MYO5A: variants seen among roughly 807,000 people sequenced by gnomAD.
MYO5A encodes myosin VA, also known as unconventional myosin-Va.
In MYO5A, 98 loss-of-function variants were observed where a neutral mutation model predicts 249.7. That is an observed-to-expected ratio of 0.39 (90% CI 0.33 to 0.46). The LOEUF (loss-of-function observed/expected upper bound fraction) is 0.46, where lower values mean the gene tolerates loss of function less well. MYO5A is among the 20% of genes least tolerant of loss of function. MYO5A has a pLI of 0.98. For synonymous variants in MYO5A, 778 were observed against 810.6 expected (o/e 0.96, Z 0.68); for missense variants, 1,696 against 2,308.8 (o/e 0.73, Z 5.44).
At chr15:52,503,585 T>C (rs1409398060) in intron 1 of MYO5A, among the ~76,000 whole-genome samples, 1 of 113,432 alleles carries the variant, frequency 8.8e-6, no homozygotes, top group African/African-American at 2.7e-5. Context: ...GAGCTAAGAT[T>C]GTGCCATTGC....
chr15:52,378,566 T>TAA (rs1311854362), intron 18 of MYO5A, among the ~76,000 whole-genome samples: 7 of 68,368 alleles, frequency 1.0e-4, no homozygotes, highest in South Asian at 9.5e-4. Flanking sequence ...AAGCCCCAGT[T>TAA]AAAAAAAAAA....
chr15:52,358,161 A>G (rs1205970019), intron 25 of MYO5A, among the ~76,000 whole-genome samples: 3 of 152,322 alleles, frequency 2.0e-5, no homozygotes, highest in East Asian at 3.9e-4. Flanking sequence ...AGGGCTGCAA[A>G]ACAAGTGGGA....
At chr15:52,437,899 C>T (rs991567674) in intron 1 of MYO5A, 3 of 302,958 alleles carry the variant, frequency 9.9e-6, no homozygotes, top group Non-Finnish European at 1.5e-5. Context: ...GGATAAGGCC[C>T]TCATATTCAC....
intron 35 of MYO5A, among the ~76,000 whole-genome samples, chr15:52,329,306 C>A (rs1303102965): frequency 1.3e-5 from 2 of 152,226 alleles, no homozygotes; most frequent in African/African-American, 4.8e-5. Context: ...AAGTTTAATG[C>A]CAGGAACATT....
intron 10 of MYO5A, 119 bp downstream of exon 10, chr15:52,397,082 T>C (rs879651983): frequency 1.5e-5 from 18 of 1,238,590 alleles, no homozygotes; most frequent in African/African-American, 3.0e-5. Context: ...TGAATTGTCA[T>C]AGGCAAAGTT....
chr15:52,441,829 G>GT (rs2075791528), intron 1 of MYO5A, among the ~76,000 whole-genome samples: 1 of 152,146 alleles, frequency 6.6e-6, no homozygotes, highest in Admixed American at 6.5e-5. Flanking sequence ...AAGGAGAGCT[G>GT]TATCTTTTTC....
intron 16 of MYO5A, 72 bp downstream of exon 16, chr15:52,383,019 T>C: frequency 7.8e-7 from 1 of 1,283,538 alleles, no homozygotes; most frequent in African/African-American, 1.5e-5. Context: ...AGGAAAATAT[T>C]AGTTTGCTTG....
intron 30 of MYO5A, among the ~76,000 whole-genome samples, chr15:52,344,525 A>G (rs2039525314): frequency 6.6e-6 from 1 of 152,188 alleles, no homozygotes; most frequent in African/African-American, 2.4e-5. Flanking sequence ...CTTCTTATGT[A>G]TCTTTCAAAA....
In MYO5A at chr15:52,353,940, C is replaced by T. The variant is rs1463562378; in HGVS notation, c.3498G>A (p.Glu1166=). 6.8e-6 allele frequency: 11 copies of T among 1,614,250 alleles called. No homozygotes were observed. The highest frequency in any genetic ancestry group is 9.3e-6 in the Non-Finnish European group (11 of 1,180,044). The change falls in exon 26 of 42, where the codon GAG becomes GAA. Residue 1166 remains glutamate (E), a synonymous_variant. Coordinates refer to ENST00000399233, the MANE Select transcript of MYO5A (RefSeq NM_001382347.1). ...LKLQKRVTEL[E]QEKQVMQDEL... ...CATCCTGCATCACCTGCTTCTCCTG[C>T]TCCAGCTCTGTGACCCGCTTCTGGA...
chr15:52,329,904 A>AGTTTTTTTTTTT, intron 35 of MYO5A, among the ~76,000 whole-genome samples: 1 of 34,970 alleles, frequency 2.9e-5, no homozygotes, highest in Non-Finnish European at 6.5e-5. Context: ...TCGCCTGGGT[A>AGTTTTTTTTTTT]ATTTTTTTTT....
intron 3 of MYO5A, among the ~76,000 whole-genome samples, chr15:52,426,839 AAGTCG>A: frequency 6.6e-6 from 1 of 152,260 alleles, no homozygotes; most frequent in East Asian, 1.9e-4. Context: ...TAACTTAATG[AAGTCG>A]TCCATTCAAT....
At chr15:52,528,941 G>A (rs912043999), upstream of MYO5A, 5 of 678,368 alleles carry the variant, frequency 7.4e-6, no homozygotes, top group African/African-American at 9.7e-5. Context: ...GGGGAGGGCC[G>A]CGCGGGGCGG....
rs184322888 is a variant in MYO5A, at chr15:52,370,137, G to C, written c.3066+32C>G. 3 of 1,612,916 alleles carry C rather than the reference G, an allele frequency of 1.9e-6. No homozygotes were observed. In the African/African-American group the frequency reaches 4.0e-5, roughly 22 times the overall value. On this transcript the variant is annotated intron_variant, in intron 22 of 41. Transcript: ENST00000399233. ...ATGACAGCACCTCTCTTTTGTGTAC[G>C]GAGTAGATGGGGATATGGACATTAT...
At chr15:52,315,383 T>A (rs989677533) in intron 40 of MYO5A, among the ~76,000 whole-genome samples, 1 of 150,810 alleles carries the variant, frequency 6.6e-6, no homozygotes, top group Admixed American at 6.6e-5. Flanking sequence ...TTGATTCTGA[T>A]TGTCTACTGA....
chr15:52,344,036 C>A (rs2039499055), intron 30 of MYO5A, among the ~76,000 whole-genome samples: 1 of 152,160 alleles, frequency 6.6e-6, no homozygotes, highest in African/African-American at 2.4e-5. Flanking sequence ...GTAAGATACC[C>A]ATAGAGGTTA....
intron 1 of MYO5A, among the ~76,000 whole-genome samples, chr15:52,453,065 G>GT (rs1320867029): frequency 1.8e-4 from 28 of 152,076 alleles, no homozygotes; most frequent in African/African-American, 6.7e-4. Context: ...AAATATCCAG[G>GT]TATAGGAAGG....
chr15:52,399,247 C>T (rs1253776791), intron 9 of MYO5A, among the ~76,000 whole-genome samples: 1 of 152,138 alleles, frequency 6.6e-6, no homozygotes, highest in African/African-American at 2.4e-5. Flanking sequence ...TCTTTCGAGG[C>T]TATGTCATTA....
intron 1 of MYO5A, among the ~76,000 whole-genome samples, chr15:52,500,556 T>A (rs1203855670): frequency 6.6e-6 from 1 of 152,004 alleles, no homozygotes; most frequent in East Asian, 1.9e-4. Context: ...CCATGTTAGC[T>A]AGGCTGGTCT....
rs59029055 is a variant in MYO5A, at chr15:52,465,531, C to T, written c.28-32246G>A. Among the ~76,000 whole-genome samples, 155 of 152,188 alleles carry T rather than the reference C, an allele frequency of 1.0e-3. 4 individuals carry two copies. In the East Asian group the frequency reaches 0.024, roughly 23 times the overall value. On this transcript the variant is annotated intron_variant, in intron 1 of 41. Transcript: ENST00000399233. The stretch of plus-strand genomic sequence containing the variant: ...TCCCTTAATGTATAAAGAACTTTTG[C>T]CTGTAGTCCCAGCTACTTGGGAGGC...
Sources: allele counts gnomAD v4.1 joint callset (sites outside exome capture counted in the v4.1 genomes callset), GRCh38; gene constraint gnomAD v4.1.1; transcripts MANE v1.5; gene names NCBI Gene and HGNC (gene_info 2026-07-23, HGNC 2026-07-21).